The following ERC2 variants were observed in gnomAD, a reference collection of about 807,000 sequenced individuals.
ERC2 encodes the protein ERC protein 2.
A neutral mutation model predicts 114.8 loss-of-function variants in ERC2; 42 were observed. That is an observed-to-expected ratio of 0.37 (90% CI 0.29 to 0.47). ERC2 has a LOEUF of 0.47. Among genes scored for constraint, ERC2 ranks in the 20% least tolerant of loss-of-function variants. ERC2 has a pLI of 0.99. For synonymous variants in ERC2, 454 were observed against 425.5 expected (o/e 1.07, Z -0.82); for missense variants, 939 against 1,150.7 (o/e 0.82, Z 2.66).
chr3:56,435,275 G>T, intron 1 of ERC2, 128 bp from the exon 2 acceptor site: 8 of 264,220 alleles, frequency 3.0e-5, no homozygotes, highest in East Asian at 1.7e-4. Flanking sequence ...TAGACAGATA[G>T]AAAGAGCCAC....
intron 4 of ERC2, among the ~76,000 whole-genome samples, chr3:56,169,544 T>C (rs150336526): frequency 6.6e-6 from 1 of 152,256 alleles, no homozygotes; most frequent in East Asian, 1.9e-4. Context: ...AGAGGTTGCC[T>C]GAAAATAGAG....
At chr3:56,157,792 C>A (rs959222772) in intron 4 of ERC2, among the ~76,000 whole-genome samples, 27 of 151,864 alleles carry the variant, frequency 1.8e-4, no homozygotes, top group African/African-American at 5.8e-4. Context: ...CAGGCCACCC[C>A]AAGTCACCAA....
At chr3:55,592,404 T>G (rs2057934847) in intron 17 of ERC2, among the ~76,000 whole-genome samples, 1 of 152,142 alleles carries the variant, frequency 6.6e-6, no homozygotes, top group Non-Finnish European at 1.5e-5. Flanking sequence ...CTCTGCCCTC[T>G]CCTTCTGGGA....
At chr3:56,091,029 C>A (rs979365323) in intron 6 of ERC2, among the ~76,000 whole-genome samples, 6 of 152,050 alleles carry the variant, frequency 3.9e-5, no homozygotes, top group Non-Finnish European at 5.9e-5. Context: ...TATTAAAGAC[C>A]AATAGAGTCT....
chr3:56,116,983 G>A (rs559156137), intron 6 of ERC2, among the ~76,000 whole-genome samples: 1 of 152,264 alleles, frequency 6.6e-6, no homozygotes, highest in African/African-American at 2.4e-5. Flanking sequence ...CACCCTTTAA[G>A]GAAAATATTC....
At chr3:55,893,902 C>G (rs2063726647) in intron 13 of ERC2, among the ~76,000 whole-genome samples, 1 of 152,148 alleles carries the variant, frequency 6.6e-6, no homozygotes, top group Non-Finnish European at 1.5e-5. Context: ...TGACTCTACT[C>G]TTACCCCTAA....
At chr3:55,514,945 T>C (rs984365746) in intron 17 of ERC2, among the ~76,000 whole-genome samples, 4 of 152,210 alleles carry the variant, frequency 2.6e-5, no homozygotes, top group Non-Finnish European at 5.9e-5. Context: ...CCACGCTGGG[T>C]CAGGCAGTGT....
At chr3:55,746,615 T>C (rs1306153282) in intron 14 of ERC2, among the ~76,000 whole-genome samples, 2 of 152,160 alleles carry the variant, frequency 1.3e-5, no homozygotes, top group Non-Finnish European at 2.9e-5. Context: ...AGAGTTTTAA[T>C]TCATGAGAAG....
At chr3:56,462,564 C>CA (rs1443424929) in intron 1 of ERC2, among the ~76,000 whole-genome samples, 1 of 152,138 alleles carries the variant, frequency 6.6e-6, no homozygotes, top group Non-Finnish European at 1.5e-5. Context: ...CCTAATTTTC[C>CA]AACATTATCT....
At chr3:55,968,730 C>T (rs1256434490) in intron 12 of ERC2, among the ~76,000 whole-genome samples, 19 of 152,174 alleles carry the variant, frequency 1.2e-4, no homozygotes, top group Admixed American at 1.2e-3. Context: ...GTGTAATTCT[C>T]ATTAACAATA....
intron 2 of ERC2, among the ~76,000 whole-genome samples, chr3:56,296,777 C>A (rs2055470586): frequency 6.6e-6 from 1 of 152,198 alleles, no homozygotes. Flanking sequence ...AACACACCTT[C>A]TTTATGCCCA....
chr3:56,286,184 C>T (rs963467654), intron 3 of ERC2, among the ~76,000 whole-genome samples: 29 of 151,968 alleles, frequency 1.9e-4, no homozygotes, highest in Non-Finnish European at 3.4e-4. Flanking sequence ...GAGGCCGAGG[C>T]GGGTGGATCA....
intron 17 of ERC2, among the ~76,000 whole-genome samples, chr3:55,554,954 G>A (rs68158390): frequency 0.18 from 26,978 of 152,096 alleles, 2,823 homozygotes; most frequent in Middle Eastern, 0.27. Flanking sequence ...TGTGAGGTGG[G>A]GCCCAAAGCC....
At chr3:56,449,561 T>C (rs2062738319) in intron 1 of ERC2, among the ~76,000 whole-genome samples, 2 of 152,214 alleles carry the variant, frequency 1.3e-5, no homozygotes, top group South Asian at 4.1e-4. Flanking sequence ...TCTGTAATTG[T>C]AGCCAGAGAG....
chr3:55,559,099 A>G (rs1385049235), intron 17 of ERC2, among the ~76,000 whole-genome samples: 1 of 152,216 alleles, frequency 6.6e-6, no homozygotes, highest in Non-Finnish European at 1.5e-5. Context: ...TTTTCCCTGG[A>G]GCAGGGCATG....
At chr3:55,978,996 A>C (rs1453106721) in intron 12 of ERC2, among the ~76,000 whole-genome samples, 2 of 152,192 alleles carry the variant, frequency 1.3e-5, no homozygotes. Flanking sequence ...AGGCGATAGG[A>C]CACCTATCTG....
At chr3:55,613,979 T>C (rs2059015011) in intron 17 of ERC2, among the ~76,000 whole-genome samples, 1 of 69,644 alleles carries the variant, frequency 1.4e-5, no homozygotes. Context: ...TGAGACTTCC[T>C]CTCAAAAAAA....
chr3:55,571,504 T>G (rs2056712237), intron 17 of ERC2, among the ~76,000 whole-genome samples: 1 of 152,138 alleles, frequency 6.6e-6, no homozygotes, highest in South Asian at 2.1e-4. Flanking sequence ...CACCAGACAG[T>G]GAGGACAACA....
rs546009459 is a variant in ERC2, at chr3:56,171,990, A to G, written c.1149+1456T>C. On this transcript the variant is annotated intron_variant, in intron 4 of 17. Coordinates refer to ENST00000288221, the MANE Select transcript of ERC2 (RefSeq NM_015576.3). ...CCCTTTGCAAAAACAAAAAACAAAA[A>G]AAAAAACAAGTCTTTTGTCCTTTTG... Among the ~76,000 whole-genome samples the G allele has an allele frequency of 8.7e-5, 13 of 150,110 alleles. No homozygotes were observed. The East Asian group carries it at 2.3e-3, about 27-fold the overall frequency.
Sources: allele counts gnomAD v4.1 joint callset (sites outside exome capture counted in the v4.1 genomes callset), GRCh38; gene constraint gnomAD v4.1.1; transcripts MANE v1.5; gene names NCBI Gene and HGNC (gene_info 2026-07-23, HGNC 2026-07-21).